SIDT2: variants seen among roughly 807,000 people sequenced by gnomAD.
The protein encoded by SIDT2 is SID1 transmembrane family member 2.
Under a neutral mutation model 114.4 loss-of-function variants are expected in SIDT2, and 68 were observed. The observed-to-expected ratio is 0.59, with a 90% confidence interval of 0.49 to 0.73. The LOEUF (loss-of-function observed/expected upper bound fraction) is 0.73. Ranked by LOEUF, SIDT2 falls within the 30% of genes least tolerant of loss-of-function variation. The pLI is 0.00. For missense variants in SIDT2, 918 were observed against 1,097.1 expected (o/e 0.84, Z 2.31); for synonymous variants, 470 against 438.4 (o/e 1.07, Z -0.90).
chr11:117,191,015 C>T (rs377618315), intron 18 of SIDT2: 111 of 272,686 alleles, frequency 4.1e-4, no homozygotes, highest in African/African-American at 1.9e-3. Context: ...CAGTGGCTCA[C>T]GCCTGTAATC....
chr11:117,188,821 A>G lies in SIDT2; in HGVS notation c.1273A>G (p.Thr425Ala), dbSNP rs781290775. 3.1e-6 allele frequency: 5 copies of G among 1,613,906 alleles called. No homozygotes were observed. The highest frequency in any genetic ancestry group is 4.2e-6 in the Non-Finnish European group (5 of 1,179,830). Residue 425 changes from threonine (T) to alanine (A), a missense_variant, in exon 13 of 26, where the codon ACC becomes GCC. Coordinates refer to ENST00000324225, the MANE Select transcript of SIDT2 (RefSeq NM_001040455.2). The surrounding 1 kb of genome is among the most constrained non-coding windows in gnomAD (Gnocchi z 4.0). ...DIDSDKNVIR[T>A]KQYLYVADLA... Reference sequence around the variant, plus strand: ...CGATTCCGACAAGAATGTCATTCGCACCAAGGTCTGACCCGTGGGCCTGGC... The same window carrying G: ...CGATTCCGACAAGAATGTCATTCGCGCCAAGGTCTGACCCGTGGGCCTGGC...
Position 117,192,509 on chromosome 11 carries a change from C to T in SIDT2, c.1982-65C>T. ...TCAGGCCTGGGCTCCTCAGCTGGCACATCCCAGGGGTCCAGCAAAGGAGGG... is the reference window on the plus strand; with the variant it reads ...TCAGGCCTGGGCTCCTCAGCTGGCATATCCCAGGGGTCCAGCAAAGGAGGG... On this transcript the variant is annotated intron_variant, in intron 20 of 25. Coordinates refer to ENST00000324225, the MANE Select transcript of SIDT2 (RefSeq NM_001040455.2). The surrounding 1 kb of genome is among the most constrained non-coding windows in gnomAD (Gnocchi z 5.9). The T allele has an allele frequency of 6.3e-7, 1 of 1,581,628 alleles. No individual in the cohort carries two copies. Among genetic ancestry groups the T allele is most frequent in the Non-Finnish European group, 8.6e-7 (1 of 1,161,426 alleles).
chr11:117,180,622 G>A (rs989897112), intron 1 of SIDT2, among the ~76,000 whole-genome samples: 8 of 135,342 alleles, frequency 5.9e-5, no homozygotes, highest in Admixed American at 2.5e-4. Context: ...TGCAACCTCC[G>A]CCTTCCCGGT....
intron 1 of SIDT2, chr11:117,179,853 T>C (rs12420578): frequency 1.2e-5 from 2 of 163,060 alleles, no homozygotes; most frequent in Admixed American, 1.2e-4. Context: ...AAAAGCTCTG[T>C]GCAGGCAAGT....
At position 117,192,571 on chromosome 11, in the gene SIDT2, C is replaced by T. The variant is rs1184900972; in HGVS notation, c.1982-3C>T. On this transcript the variant is annotated splice_region_variant and splice_polypyrimidine_tract_variant and intron_variant, in intron 20 of 25. Coordinates refer to ENST00000324225, the MANE Select transcript of SIDT2 (RefSeq NM_001040455.2). The surrounding 1 kb of genome is among the most constrained non-coding windows in gnomAD (Gnocchi z 5.9). ...TGTCAGCACCACTCCCTTCTCTTCG[C>T]AGACTCGGGGATCTTCCGCCGCATC... The T allele has an allele frequency of 2.5e-6, 4 of 1,608,384 alleles. No individual in the cohort carries two copies. The highest frequency in any genetic ancestry group is 3.4e-6 in the Non-Finnish European group (4 of 1,180,012).
At position 117,179,003 on chromosome 11, in the gene SIDT2, C is replaced by T. The variant is rs1270261150; in HGVS notation, c.-261C>T. ...GGGTCTCAGGTCGTACTCAGCCCCT[C>T]GCGAGCTGGGACCCCTTCCCGTAGC... On this transcript the variant is annotated 5_prime_UTR_variant, in exon 1 of 26. Coordinates refer to ENST00000324225, the MANE Select transcript of SIDT2 (RefSeq NM_001040455.2). The T allele has an allele frequency of 1.9e-6, 1 of 516,550 alleles. No homozygotes were observed. The highest frequency in any genetic ancestry group is 1.9e-5 in the African/African-American group (1 of 51,938). The allele number at this position is 516,550 out of a possible 1,614,324, so 32.0% of individuals were successfully genotyped here. A position where few individuals can be genotyped will look rare whatever the true frequency, so the allele number is the denominator to read the frequency against.
rs2030719046 is a variant in SIDT2, at chr11:117,191,988, G to C, written c.1846G>C (p.Val616Leu). The stretch of plus-strand genomic sequence containing the variant: ...CAGTGCCTACGCCTGCCTGGCCATT[G>C]TCATCTTCTTCTCTGTGCTGGGCGT... ...AYSAYACLAI[V>L]IFFSVLGVVF... The change falls in exon 19 of 26, where the codon GTC (valine) becomes CTC (leucine). Residue 616 changes from valine to leucine, a missense_variant. Physicochemically the swap from Val to Leu is conservative, Grantham distance 32 (BLOSUM62 1). Coordinates refer to ENST00000324225, the MANE Select transcript of SIDT2 (RefSeq NM_001040455.2). 6.2e-7 allele frequency: 1 copy of C among 1,614,032 alleles called. No homozygotes were observed. The highest frequency in any genetic ancestry group is 8.5e-7 in the Non-Finnish European group (1 of 1,180,036).
Position 117,181,895 on chromosome 11 carries a change from G to A in SIDT2, c.394G>A (p.Val132Met), listed in dbSNP as rs61729991. The change falls in exon 3 of 26, where the codon GTG becomes ATG. Residue 132 changes from valine to methionine, a missense_variant. Val to Met is a conservative substitution (Grantham distance 21). Coordinates refer to ENST00000324225, the MANE Select transcript of SIDT2 (RefSeq NM_001040455.2). ...KNESEIQFFY[V>M]DVSTLSPVNT... ...TGAGTCGGAGATTCAGTTCTTCTAC[G>A]TGGATGTGTCCACCCTGTCACCAGT... The A allele has an allele frequency of 5.7e-5, 92 of 1,614,072 alleles. No individual in the cohort carries two copies. The African/African-American group carries it at 1.1e-3, about 19-fold the overall frequency.
At position 117,190,285 on chromosome 11, in the gene SIDT2, C is replaced by T. The variant is rs2030651216; in HGVS notation, c.1613C>T (p.Ala538Val). Residue 538 changes from alanine to valine, a missense_variant, in exon 17 of 26, where the codon GCC becomes GTC. Transcript: ENST00000324225. The surrounding 1 kb of genome is among the most constrained non-coding windows in gnomAD (Gnocchi z 4.1). ...NRALLRNDLC[A>V]LECGIPKHFG... ...GCCCTGCTGCGCAATGACCTCTGTG[C>T]CCTGGTAAGGGAGCACCTGCCTGCC... 6.5e-7 allele frequency: 1 copy of T among 1,537,602 alleles called. No individual in the cohort carries two copies. The highest frequency in any genetic ancestry group is 8.7e-7 in the Non-Finnish European group (1 of 1,143,888).
At chr11:117,182,437 TTA>T in intron 4 of SIDT2, 80 bp from the exon 5 acceptor site, 1 of 1,288,734 alleles carries the variant, frequency 7.8e-7, no homozygotes, top group Non-Finnish European at 1.1e-6. Context: ...GGGTCCTCGC[TTA>T]TAGGGGACTA....
chr11:117,179,497 G>A, intron 1 of SIDT2, 51 bp downstream of exon 1: 1 of 1,566,962 alleles, frequency 6.4e-7, no homozygotes, highest in East Asian at 2.3e-5. Flanking sequence ...GCCGACGAGG[G>A]CTAGGCGATT....
intron 10 of SIDT2, 92 bp downstream of exon 10, chr11:117,186,728 A>C (rs1591768477): frequency 1.1e-4 from 83 of 768,148 alleles, no homozygotes; most frequent in East Asian, 3.0e-4. Flanking sequence ...TGGAGGAGGA[A>C]GGGCTGGGGG....
rs948285165 is a variant in SIDT2, at chr11:117,187,099, GTTGTC to G, written c.1016-276_1016-272del. 34 of 1,408,346 alleles carry G rather than the reference GTTGTC, an allele frequency of 2.4e-5. No individual in the cohort carries two copies. The African/African-American group carries it at 4.8e-4, about 20-fold the overall frequency. The allele number at this position is 1,408,346 out of a possible 1,614,324, so 87.2% of individuals were successfully genotyped here. On this transcript the variant is annotated intron_variant, in intron 10 of 25. Transcript: ENST00000324225. The stretch of plus-strand genomic sequence containing the variant: ...CTGGAGGGCTCGTGGGCGGGCCAGT[GTTGTC>G]TTTGTTGCTGGTAACTTAGATGTGC...
intron 4 of SIDT2, chr11:117,182,318 G>A: frequency 1.4e-6 from 1 of 708,848 alleles, no homozygotes; most frequent in Non-Finnish European, 2.4e-6. Flanking sequence ...CTGGCATTCT[G>A]CTGAGTGCCC....
In SIDT2 at chr11:117,188,350, A is replaced by G; in HGVS notation, c.1160-358A>G. 2.9e-6 allele frequency: 1 copy of G among 341,190 alleles called. No individual in the cohort carries two copies. Among genetic ancestry groups the G allele is most frequent in the Non-Finnish European group, 5.6e-6 (1 of 179,516 alleles). 21.1% of individuals were successfully genotyped at this position (341,190 alleles called of 1,614,324 possible). On this transcript the variant is annotated intron_variant, in intron 12 of 25. Coordinates refer to ENST00000324225, the MANE Select transcript of SIDT2 (RefSeq NM_001040455.2). This position sits in a 1 kb window ranked among gnomAD's most constrained non-coding sequence, Gnocchi z 4.0. ...CTTCTCAGAACCCACAGGGCTGGGCACCCTTGAATCAGCATGACTTGCCGA... is the reference window on the plus strand; with the variant it reads ...CTTCTCAGAACCCACAGGGCTGGGCGCCCTTGAATCAGCATGACTTGCCGA...
At position 117,182,088 on chromosome 11, in the gene SIDT2, A is replaced by G; in HGVS notation, c.499A>G (p.Thr167Ala). 1.2e-6 allele frequency: 2 copies of G among 1,613,976 alleles called. No individual in the cohort carries two copies. The highest frequency in any genetic ancestry group is 1.7e-6 in the Non-Finnish European group (2 of 1,180,014). The change falls in exon 4 of 26, where the codon ACA becomes GCA. Residue 167 changes from threonine (T) to alanine (A), a missense_variant. Physicochemically the swap from Thr to Ala is moderately conservative, Grantham distance 58. This residue lies in a region of SIDT2 where 553 missense variants were observed against 600.1 expected (regional missense o/e 0.92). Transcript: ENST00000324225. ...TGGGGAGCAGTTCAGCTTCAATACC[A>G]CAGCAGCACAGCCCCAGGTAACATC... is the stretch of plus-strand genomic sequence containing the variant. ...RTGEQFSFNT[T>A]AAQPQYFKYE...
intron 15 of SIDT2, 192 bp from the exon 16 acceptor site, chr11:117,189,760 A>C (rs1334671833): frequency 1.6e-6 from 1 of 619,422 alleles, no homozygotes; most frequent in Non-Finnish European, 2.9e-6. Context: ...GCCACGCCTA[A>C]TGAGAGGGGA....
rs1565288566 is a variant in SIDT2 at position 117,191,924 on chromosome 11, C to CTACCA, written c.1783_1787dup (p.Gln596HisfsTer143). Reference sequence around the variant, plus strand: ...TCGCCGGACTCTGCATGCTGAAGCTCTACCAGAAGCGGCACCCGGACATCA... The same window carrying CTACCA: ...TCGCCGGACTCTGCATGCTGAAGCTCTACCATACCAGAAGCGGCACCCGGACATCA... On this transcript the variant is annotated frameshift_variant, in exon 19 of 26. Transcript: ENST00000324225. LOFTEE classifies it high-confidence loss of function. 6.2e-7 allele frequency: 1 copy of CTACCA among 1,614,186 alleles called. No individual in the cohort carries two copies. Among genetic ancestry groups the CTACCA allele is most frequent in the Admixed American group, 1.7e-5 (1 of 60,026 alleles).
chr11:117,186,918 C>T, intron 10 of SIDT2: 1 of 1,491,744 alleles, frequency 6.7e-7, no homozygotes, highest in Non-Finnish European at 9.0e-7. Context: ...GATTATTAAC[C>T]TTTCCTTCTC....
Sources: gnomAD v4.1 joint callset for allele counts (sites outside exome capture counted in the v4.1 genomes callset) on GRCh38, gnomAD v4.1.1 for gene constraint, gnomAD v4.1.1 regional missense constraint, Gnocchi (gnomAD v3.1) non-coding constraint, MANE v1.5 for transcripts, NCBI Gene and HGNC (gene_info 2026-07-23, HGNC 2026-07-21) for gene names.